Variants in ZNF143 observed in about 807,000 individuals in gnomAD.
ZNF143 encodes the protein SPH-binding factor.
Under a neutral mutation model 74.1 loss-of-function variants are expected in ZNF143, and 49 were observed. That is an observed-to-expected ratio of 0.66 (90% CI 0.53 to 0.84). The LOEUF (loss-of-function observed/expected upper bound fraction) is 0.84, where lower values mean the gene tolerates loss of function less well. ZNF143 is among the 40% of genes least tolerant of loss of function. ZNF143 has a pLI of 0.00. For synonymous variants in ZNF143, 304 were observed against 282.8 expected, an observed-to-expected ratio of 1.07 and a Z score of -0.75; for missense variants, 637 against 793.4, an observed-to-expected ratio of 0.80 and a Z score of 2.37.
In ZNF143 at chr11:9,504,558, C is replaced by T. The variant is rs7123214; in HGVS notation, c.1147+3288C>T. Among the ~76,000 whole-genome samples, 546 of 124,656 alleles carry T rather than the reference C, an allele frequency of 4.4e-3. 57 individuals carry two copies. The highest frequency in any genetic ancestry group is 0.013 in the African/African-American group (524 of 38,876). The allele number at this position is 124,656 out of a possible 152,430, so 81.8% of individuals were successfully genotyped here. ...GTGAGAATGGAAAGGCAAATGTGAG[C>T]GTAAGGCAGGATATGCATTAGTTTT... On this transcript the variant is annotated intron_variant, in intron 11 of 15. Transcript: ENST00000396602.
At chr11:9,492,831 T>C (rs898806915) in intron 7 of ZNF143, among the ~76,000 whole-genome samples, 3 of 152,064 alleles carry the variant, frequency 2.0e-5, no homozygotes, top group African/African-American at 7.3e-5. Context: ...AAAGGAAACA[T>C]AAATGTCTTT....
intron 7 of ZNF143, among the ~76,000 whole-genome samples, chr11:9,493,298 T>C (rs111680691): frequency 0.36 from 54,350 of 151,802 alleles, 10,515 homozygotes; most frequent in Non-Finnish European, 0.44. Context: ...TCTCGATCTC[T>C]TGACCTTGTG....
At chr11:9,461,759 A>G (rs1371140717) in intron 1 of ZNF143, 4 of 152,274 alleles carry the variant, frequency 2.6e-5, no homozygotes, top group East Asian at 1.9e-4. Flanking sequence ...TCTCTTTGAA[A>G]CGTATTATTG....
chr11:9,512,381 T>G, intron 12 of ZNF143, 67 bp from the exon 13 acceptor site: 6 of 1,546,640 alleles, frequency 3.9e-6, no homozygotes, highest in Middle Eastern at 2.2e-4. Flanking sequence ...CTTTAATATT[T>G]AAAATGTCCT....
At chr11:9,464,100 G>A (rs983845177) in intron 1 of ZNF143, among the ~76,000 whole-genome samples, 15 of 151,746 alleles carry the variant, frequency 9.9e-5, no homozygotes, top group African/African-American at 3.6e-4. Context: ...GTGTGTGTGT[G>A]TGTGTGTGTG....
intron 7 of ZNF143, among the ~76,000 whole-genome samples, chr11:9,485,043 T>C (rs1022867770): frequency 2.0e-5 from 3 of 147,820 alleles, no homozygotes; most frequent in Non-Finnish European, 4.5e-5. Flanking sequence ...GTGATCTGCC[T>C]GCCTCGGCCT....
intron 10 of ZNF143, among the ~76,000 whole-genome samples, chr11:9,498,499 A>G: frequency 6.6e-6 from 1 of 152,222 alleles, no homozygotes; most frequent in Non-Finnish European, 1.5e-5. Flanking sequence ...CAACAGGCCC[A>G]CAGCAAGAAA....
intron 11 of ZNF143, among the ~76,000 whole-genome samples, chr11:9,504,673 C>CTTTTTT (rs869310966): frequency 2.3e-4 from 21 of 89,440 alleles, no homozygotes; most frequent in East Asian, 5.6e-4. Context: ...TTTCTTTTTT[C>CTTTTTT]TTTTTTTTTT....
chr11:9,486,412 A>AATATATATTATATATATT (rs1397596812), intron 7 of ZNF143, among the ~76,000 whole-genome samples: 281 of 19,306 alleles, frequency 0.015, 19 homozygotes, highest in Middle Eastern at 0.12. Context: ...TTATATATAT[A>AATATATATTATATATATT]ATATATATTA....
At chr11:9,465,889 A>G (rs1268917717) in intron 1 of ZNF143, among the ~76,000 whole-genome samples, 1 of 151,886 alleles carries the variant, frequency 6.6e-6, no homozygotes, top group East Asian at 1.9e-4. Flanking sequence ...CAGTGGCACA[A>G]TCACAGCTCA....
At chr11:9,491,508 G>A (rs11042393) in intron 7 of ZNF143, among the ~76,000 whole-genome samples, 50,848 of 151,466 alleles carry the variant, frequency 0.34, 9,924 homozygotes, top group Non-Finnish European at 0.44. Flanking sequence ...GCATGGTGGC[G>A]GGCGCCTCTA....
intron 14 of ZNF143, among the ~76,000 whole-genome samples, chr11:9,521,133 C>A (rs985904693): frequency 3.3e-5 from 5 of 152,128 alleles, no homozygotes; most frequent in Non-Finnish European, 5.9e-5. Flanking sequence ...ACTGTTGAAA[C>A]CTACACGTAC....
At chr11:9,515,975 G>A (rs1848709509) in intron 13 of ZNF143, among the ~76,000 whole-genome samples, 1 of 151,934 alleles carries the variant, frequency 6.6e-6, no homozygotes, top group African/African-American at 2.4e-5. Context: ...ACAGAGTGAG[G>A]CCTTGTCTCC....
In ZNF143 at chr11:9,478,385, C is replaced by G; in HGVS notation, c.374-5C>G. 15 of 1,607,454 alleles carry G rather than the reference C, an allele frequency of 9.3e-6. No homozygotes were observed. Among genetic ancestry groups the G allele is most frequent in the Non-Finnish European group, 1.3e-5 (15 of 1,174,316 alleles). Reference sequence around the variant, plus strand: ...ATTTAATGGCATTCTCTTCCACTCTCTCAGATAGTTATGACCAGAGTGCAT... The same window carrying G: ...ATTTAATGGCATTCTCTTCCACTCTGTCAGATAGTTATGACCAGAGTGCAT... On this transcript the variant is annotated splice_region_variant and splice_polypyrimidine_tract_variant and intron_variant, in intron 5 of 15. Coordinates refer to ENST00000396602, the MANE Select transcript of ZNF143 (RefSeq NM_003442.6).
At chr11:9,504,002 C>G (rs1848262787) in intron 11 of ZNF143, among the ~76,000 whole-genome samples, 1 of 98,656 alleles carries the variant, frequency 1.0e-5, no homozygotes, top group Non-Finnish European at 2.0e-5. Context: ...CTGTGTCACT[C>G]AGGCTGGAGT....
chr11:9,480,296 C>T (rs1192149764), intron 7 of ZNF143, among the ~76,000 whole-genome samples: 2 of 152,120 alleles, frequency 1.3e-5, no homozygotes, highest in African/African-American at 4.8e-5. Context: ...GGAGGGTATG[C>T]TTGGAGCTTG....
At chr11:9,474,769 T>G in intron 5 of ZNF143, 136 bp downstream of exon 5, 2 of 957,296 alleles carry the variant, frequency 2.1e-6, no homozygotes, top group East Asian at 5.3e-5. Context: ...GGTGGCAGAT[T>G]TAAGCATGAT....
At chr11:9,473,742 A>G (rs774078256) in intron 3 of ZNF143, 199 bp from the exon 4 acceptor site, 28 of 1,507,602 alleles carry the variant, frequency 1.9e-5, no homozygotes, top group Non-Finnish European at 2.2e-5. Context: ...CAGGGGAGGA[A>G]GGATGGCTGA....
chr11:9,513,057 T>A (rs1056007841), intron 13 of ZNF143, among the ~76,000 whole-genome samples: 1 of 152,200 alleles, frequency 6.6e-6, no homozygotes, highest in Admixed American at 6.5e-5. Flanking sequence ...GTATCTTGAT[T>A]TCCCCCCAGG....
Sources: allele counts gnomAD v4.1 joint callset (sites outside exome capture counted in the v4.1 genomes callset), GRCh38; gene constraint gnomAD v4.1.1; transcripts MANE v1.5; gene names NCBI Gene and HGNC (gene_info 2026-07-23, HGNC 2026-07-21).